CFAP206: variants seen among roughly 807,000 people sequenced by gnomAD.
The protein encoded by CFAP206 is cilia- and flagella-associated protein 206.
CFAP206 carries 53 observed loss-of-function variants against 65.4 expected under a neutral mutation model. The observed-to-expected ratio is 0.81, with a 90% CI of 0.65 to 1.02. CFAP206 has a LOEUF of 1.02. Among genes scored for constraint, CFAP206 ranks in the 50% least tolerant of loss-of-function variants. The probability of loss-of-function intolerance (pLI) is 0.00; values close to 1 mark genes in which losing one functional copy is unlikely to be tolerated. For missense variants in CFAP206, 663 were observed against 753.2 expected (o/e 0.88, Z 1.40); for synonymous variants, 250 against 254.4 (o/e 0.98, Z 0.17).
Position 87,435,053 on chromosome 6 carries a change from G to A in CFAP206, c.1494G>A (p.Gln498=). 1 of 1,553,078 alleles carries A rather than the reference G, an allele frequency of 6.4e-7. No homozygotes were observed. The highest frequency in any genetic ancestry group is 1.4e-5 in the African/African-American group (1 of 72,448). ...TTGAAACATTTATTCCATATTCTCA[G>A]GTAAGCAGGGTCAATATTTTATGAA... The part of the protein sequence containing the change: ...QQFETFIPYS[Q]MRDADKHYIK... Residue 498 remains glutamine, a splice_region_variant and synonymous_variant, in exon 11 of 13, where the codon CAG becomes CAA. Coordinates refer to ENST00000369562, the MANE Select transcript of CFAP206 (RefSeq NM_001031743.3).
intron 10 of CFAP206, among the ~76,000 whole-genome samples, chr6:87,433,311 TTTG>T (rs1337852493): frequency 6.6e-6 from 1 of 152,204 alleles, no homozygotes. Context: ...GAGCAGGGAA[TTTG>T]TTATCTTCTA....
At position 87,434,797 on chromosome 6, in the gene CFAP206, C is replaced by A. The variant is rs1298002549; in HGVS notation, c.1301-63C>A. On this transcript the variant is annotated intron_variant, in intron 10 of 12. Coordinates refer to ENST00000369562, the MANE Select transcript of CFAP206 (RefSeq NM_001031743.3). ...ACAGGCGTGAGCCACCATGCCCAGCCAGAATAACAATATTTCATAAGTGAT... is the reference window on the plus strand; with the variant it reads ...ACAGGCGTGAGCCACCATGCCCAGCAAGAATAACAATATTTCATAAGTGAT... 5.1e-6 allele frequency: 5 copies of A among 976,874 alleles called. No homozygotes were observed. In the East Asian group the frequency reaches 1.1e-4, roughly 22 times the overall value. The allele number at this position is 976,874 out of a possible 1,614,324, so 60.5% of individuals were successfully genotyped here. A position where few individuals can be genotyped will look rare whatever the true frequency, so the allele number is the denominator to read the frequency against.
chr6:87,436,089 T>G (rs1768263660), intron 11 of CFAP206: 1 of 149,260 alleles, frequency 6.7e-6, no homozygotes, highest in Non-Finnish European at 1.5e-5. Flanking sequence ...GTTTCCTTTT[T>G]TTTTTTTTTT....
intron 6 of CFAP206, among the ~76,000 whole-genome samples, chr6:87,417,132 G>A (rs947140182): frequency 2.6e-5 from 4 of 152,114 alleles, no homozygotes; most frequent in African/African-American, 9.7e-5. Flanking sequence ...CTGCAAGTCC[G>A]TAACCAAAAG....
chr6:87,454,044 A>G (rs1768589278), intron 11 of CFAP206, among the ~76,000 whole-genome samples: 1 of 152,204 alleles, frequency 6.6e-6, no homozygotes, highest in Admixed American at 6.5e-5. Context: ...AGGGATGAAA[A>G]AAGTTATTCC....
intron 11 of CFAP206, chr6:87,444,716 C>A (rs547434116): frequency 1.2e-4 from 42 of 357,040 alleles, no homozygotes; most frequent in African/African-American, 8.9e-4. Context: ...ACTATTTTTT[C>A]TTTGATCGCT....
chr6:87,437,150 A>G (rs1039249557), intron 11 of CFAP206, among the ~76,000 whole-genome samples: 2 of 151,978 alleles, frequency 1.3e-5, no homozygotes. Flanking sequence ...TTGTATTTTT[A>G]GTAGAGACGG....
intron 11 of CFAP206, among the ~76,000 whole-genome samples, chr6:87,460,299 A>T (rs1408252891): frequency 6.6e-6 from 1 of 152,262 alleles, no homozygotes; most frequent in East Asian, 1.9e-4. Context: ...CTAAAAACAA[A>T]GCAAAAACCT....
chr6:87,410,618 T>G lies in CFAP206; in HGVS notation c.142T>G (p.Phe48Val). 2 of 1,614,098 alleles carry G rather than the reference T, an allele frequency of 1.2e-6. No individual in the cohort carries two copies. Among genetic ancestry groups the G allele is most frequent in the Non-Finnish European group, 1.7e-6 (2 of 1,179,926 alleles). The change falls in exon 3 of 13, where the codon TTT (phenylalanine) becomes GTT (valine). Residue 48 changes from phenylalanine to valine, a missense_variant. Coordinates refer to ENST00000369562, the MANE Select transcript of CFAP206 (RefSeq NM_001031743.3). The stretch of plus-strand genomic sequence containing the variant: ...TGTTGTCCTGGATCCAAGTAATGGC[T>G]TTAACATGGATAGAACCCTCATGAA... ...KAVVLDPSNG[F>V]NMDRTLMKSD...
At position 87,432,268 on chromosome 6, in the gene CFAP206, TA is replaced by T. The variant is rs999805786; in HGVS notation, c.1300+1101del. Among the ~76,000 whole-genome samples, 9 of 152,324 alleles carry T rather than the reference TA, an allele frequency of 5.9e-5. No individual in the cohort carries two copies. The East Asian group carries it at 1.7e-3, about 29-fold the overall frequency. The stretch of plus-strand genomic sequence containing the variant: ...AGAGAGAACACACAATTGGCTCATT[TA>T]AAAAATGTTATTACATTTTTGATAA... On this transcript the variant is annotated intron_variant, in intron 10 of 12. Coordinates refer to ENST00000369562, the MANE Select transcript of CFAP206 (RefSeq NM_001031743.3).
chr6:87,410,736 G>C, intron 3 of CFAP206, 68 bp downstream of exon 3: 1 of 1,185,232 alleles, frequency 8.4e-7, no homozygotes, highest in Non-Finnish European at 1.3e-6. Context: ...ATTTGTATTA[G>C]TCATTATTGC....
At chr6:87,447,930 A>T (rs1768470910) in intron 11 of CFAP206, among the ~76,000 whole-genome samples, 2 of 110,922 alleles carry the variant, frequency 1.8e-5, no homozygotes, top group South Asian at 6.1e-4. Context: ...CTAGGAATTT[A>T]TCCATTTCTT....
At position 87,410,400 on chromosome 6, in the gene CFAP206, C is replaced by CT. The variant is rs563275356; in HGVS notation, c.109-179dup. Among the ~76,000 whole-genome samples the CT allele has an allele frequency of 1.2e-3, 179 of 152,236 alleles. 1 individual carries two copies. Among genetic ancestry groups the CT allele is most frequent in the African/African-American group, 4.1e-3 (171 of 41,538 alleles). On this transcript the variant is annotated intron_variant, in intron 2 of 12. Coordinates refer to ENST00000369562, the MANE Select transcript of CFAP206 (RefSeq NM_001031743.3). Reference sequence around the variant, plus strand: ...ATTCAAGTTTGATGTTTGTTGCTTCCTTTTTTCAACCTCTAACAAGGGTAC... The same window carrying CT: ...ATTCAAGTTTGATGTTTGTTGCTTCCTTTTTTTCAACCTCTAACAAGGGTAC...
intron 1 of CFAP206, among the ~76,000 whole-genome samples, chr6:87,409,202 C>T (rs1767683845): frequency 2.6e-5 from 4 of 151,672 alleles, no homozygotes; most frequent in Admixed American, 2.6e-4. Flanking sequence ...AATTTTACCT[C>T]CCTCCCCTAC....
chr6:87,427,191 G>A (rs1768057112), intron 8 of CFAP206, among the ~76,000 whole-genome samples: 1 of 152,158 alleles, frequency 6.6e-6, no homozygotes, highest in African/African-American at 2.4e-5. Context: ...AGGCTGGAGT[G>A]CAGTGGTGCA....
chr6:87,417,794 C>T (rs1174219000), intron 6 of CFAP206, among the ~76,000 whole-genome samples: 8 of 127,430 alleles, frequency 6.3e-5, no homozygotes, highest in African/African-American at 1.6e-4. Context: ...TCGTTCTTGT[C>T]GCCCAGATTG....
At chr6:87,418,176 T>G in intron 6 of CFAP206, 32 bp from the exon 7 acceptor site, 5 of 1,602,406 alleles carry the variant, frequency 3.1e-6, no homozygotes, top group Non-Finnish European at 4.3e-6. Context: ...TTAGTCTCCT[T>G]TATGGCTGCC....
At chr6:87,437,329 C>G (rs1178442911) in intron 11 of CFAP206, among the ~76,000 whole-genome samples, 3 of 151,804 alleles carry the variant, frequency 2.0e-5, no homozygotes, top group Non-Finnish European at 2.9e-5. Context: ...TCTTATTTAT[C>G]TGTTCAGGTT....
At chr6:87,418,079 C>T in intron 6 of CFAP206, 129 bp from the exon 7 acceptor site, 1 of 805,860 alleles carries the variant, frequency 1.2e-6, no homozygotes, top group Admixed American at 2.6e-5. Context: ...ACACATGCCT[C>T]ATTATTACTA....
Sources: gnomAD v4.1 joint callset for allele counts (sites outside exome capture counted in the v4.1 genomes callset) on GRCh38, gnomAD v4.1.1 for gene constraint, MANE v1.5 for transcripts, NCBI Gene and HGNC (gene_info 2026-07-23, HGNC 2026-07-21) for gene names.